MEI1: variants seen among roughly 807,000 people sequenced by gnomAD.
MEI1 encodes the protein meiosis inhibitor protein 1.
Under a neutral mutation model 146.2 loss-of-function variants are expected in MEI1, and 103 were observed. That is an observed-to-expected ratio of 0.70 (90% CI 0.60 to 0.83). The LOEUF (loss-of-function observed/expected upper bound fraction) is 0.83. MEI1 is among the 40% of genes least tolerant of loss of function. The pLI is 0.00. For synonymous variants in MEI1, 652 were observed against 628.2 expected (o/e 1.04, Z -0.57); for missense variants, 1,529 against 1,533.0 (o/e 1.00, Z 0.04).
At chr22:41,766,424 C>G (rs940990711) in intron 19 of MEI1, among the ~76,000 whole-genome samples, 11 of 151,936 alleles carry the variant, frequency 7.2e-5, no homozygotes, top group African/African-American at 2.7e-4. Flanking sequence ...CCCGCCTCAG[C>G]CTTCCAAAGT....
At chr22:41,768,083 G>A (rs2074964223) in intron 19 of MEI1, among the ~76,000 whole-genome samples, 1 of 152,054 alleles carries the variant, frequency 6.6e-6, no homozygotes, top group African/African-American at 2.4e-5. Context: ...TTATTAACAT[G>A]CTTGAAAATG....
At chr22:41,707,175 C>T (rs2069161045) in intron 3 of MEI1, among the ~76,000 whole-genome samples, 1 of 152,174 alleles carries the variant, frequency 6.6e-6, no homozygotes, top group East Asian at 1.9e-4. Flanking sequence ...TGCACTTCAA[C>T]TTGGGTGATA....
chr22:41,773,617 T>G (rs2075299575), intron 20 of MEI1, among the ~76,000 whole-genome samples: 1 of 149,514 alleles, frequency 6.7e-6, no homozygotes, highest in African/African-American at 2.5e-5. Context: ...GGCTCACGCC[T>G]GTAATCCCAG....
At position 41,699,700 on chromosome 22, in the gene MEI1, C is replaced by T. The variant is rs1468793427; in HGVS notation, c.162C>T (p.Asp54=). 1.3e-6 allele frequency: 2 copies of T among 1,579,746 alleles called. No individual in the cohort carries two copies. The highest frequency in any genetic ancestry group is 2.3e-5 in the East Asian group (1 of 43,304). Residue 54 remains aspartate, a synonymous_variant, in exon 1 of 31, where the codon GAC becomes GAT. Transcript: ENST00000401548. ...CLACALELLP[D]PGVSLVRKKH... Reference sequence around the variant, plus strand: ...CCTGCGCGCTGGAGCTGCTGCCGGACCCCGGCGTGTCGGTGCGGGCGGAAC... The same window carrying T: ...CCTGCGCGCTGGAGCTGCTGCCGGATCCCGGCGTGTCGGTGCGGGCGGAAC...
chr22:41,706,878 A>G (rs755189665), intron 3 of MEI1, among the ~76,000 whole-genome samples: 1 of 152,062 alleles, frequency 6.6e-6, no homozygotes, highest in Non-Finnish European at 1.5e-5. Context: ...AATTATTTGA[A>G]TAGAAAAAAA....
chr22:41,732,459 C>T lies in MEI1; in HGVS notation c.1197-10C>T, dbSNP rs1321334484. ...GTTCACCTACTCGTTTCTCATCTTC[C>T]ATTTCTCAGGCAGCCAGAGGAGATC... On this transcript the variant is annotated splice_polypyrimidine_tract_variant and intron_variant, in intron 10 of 30. Transcript: ENST00000401548. 1 of 1,613,654 alleles carries T rather than the reference C, an allele frequency of 6.2e-7. No individual in the cohort carries two copies. The highest frequency in any genetic ancestry group is 8.5e-7 in the Non-Finnish European group (1 of 1,179,816).
At chr22:41,753,140 C>G (rs1359336703) in intron 16 of MEI1, among the ~76,000 whole-genome samples, 1 of 151,872 alleles carries the variant, frequency 6.6e-6, no homozygotes, top group Non-Finnish European at 1.5e-5. Context: ...TGCCTCAGCA[C>G]CTGAATAGCT....
At chr22:41,739,316 T>C (rs1234310116) in intron 11 of MEI1, among the ~76,000 whole-genome samples, 1 of 152,190 alleles carries the variant, frequency 6.6e-6, no homozygotes, top group Non-Finnish European at 1.5e-5. Flanking sequence ...TTTTTAACCT[T>C]TAAATAATGT....
chr22:41,725,695 TCTC>T (rs2071270664), intron 7 of MEI1, among the ~76,000 whole-genome samples: 1 of 152,200 alleles, frequency 6.6e-6, no homozygotes, highest in Non-Finnish European at 1.5e-5. Flanking sequence ...ATAGGGCATT[TCTC>T]CTCTCTTTAT....
At chr22:41,751,056 AG>A (rs969484283) in intron 15 of MEI1, among the ~76,000 whole-genome samples, 4 of 152,098 alleles carry the variant, frequency 2.6e-5, no homozygotes, top group African/African-American at 9.7e-5. Flanking sequence ...CAGGTAGCAC[AG>A]GATCAGAGGC....
intron 9 of MEI1, 121 bp from the exon 10 acceptor site, chr22:41,732,124 T>C (rs1339108033): frequency 1.4e-6 from 1 of 694,894 alleles, no homozygotes; most frequent in African/African-American, 1.8e-5. Flanking sequence ...CTTGTCAGGG[T>C]CCCTCCACGA....
chr22:41,789,904 AG>A (rs2076116189), intron 26 of MEI1, among the ~76,000 whole-genome samples: 2 of 152,138 alleles, frequency 1.3e-5, no homozygotes, highest in Non-Finnish European at 2.9e-5. Flanking sequence ...ATAATTGCCT[AG>A]TGAACAGGAC....
chr22:41,700,789 C>T (rs73161353), intron 1 of MEI1, among the ~76,000 whole-genome samples: 2,215 of 144,572 alleles, frequency 0.015, 45 homozygotes, highest in Admixed American at 0.054. Flanking sequence ...GAAACGGTCC[C>T]GGGGGTCTCC....
In MEI1 at chr22:41,705,708, CT is replaced by C. The variant is rs10568131; in HGVS notation, c.349+171del. On this transcript the variant is annotated intron_variant, in intron 3 of 30. Transcript: ENST00000401548. ...TCACTAATTCAACATTTGTTTTTTA[CT>C]TTTTTTTTTTTTTTTTGAGACGGAA... Among the ~76,000 whole-genome samples the C allele has an allele frequency of 3.3e-3, 446 of 136,984 alleles. 2 individuals are homozygous for C. Among genetic ancestry groups the C allele is most frequent in the Middle Eastern group, 0.015 (4 of 262 alleles). The allele number at this position is 136,984 out of a possible 152,430, so 89.9% of individuals were successfully genotyped here.
intron 30 of MEI1, among the ~76,000 whole-genome samples, 171 bp from the exon 31 acceptor site, chr22:41,799,083 G>A (rs1004114614): frequency 1.3e-5 from 2 of 152,110 alleles, no homozygotes; most frequent in Non-Finnish European, 2.9e-5. Context: ...CTGTTGAATA[G>A]CAACTACCTA....
At chr22:41,786,986 G>A (rs2076010906) in intron 26 of MEI1, among the ~76,000 whole-genome samples, 1 of 152,234 alleles carries the variant, frequency 6.6e-6, no homozygotes, top group Admixed American at 6.5e-5. Flanking sequence ...GTTAGCGGTT[G>A]TTGAGTCTTG....
rs546657072 is a variant in MEI1, at chr22:41,758,534, G to T, written c.2120+1G>T. The T allele has an allele frequency of 6.2e-7, 1 of 1,611,210 alleles. No individual in the cohort carries two copies. The highest frequency in any genetic ancestry group is 2.2e-5 in the East Asian group (1 of 44,754). On this transcript the variant is annotated splice_donor_variant, in intron 18 of 30. Transcript: ENST00000401548. LOFTEE classifies it high-confidence loss of function. ...ACTTGGCCTACATCCATGAAGACAG[G>T]TCAGTGCACAGAGGTGGGTGGCTGG...
chr22:41,729,566 T>A (rs946020269), intron 7 of MEI1, 99 bp from the exon 8 acceptor site: 5 of 732,536 alleles, frequency 6.8e-6, no homozygotes, highest in Non-Finnish European at 9.6e-6. Context: ...ACAGGAAGGA[T>A]CGAAAATGAA....
At chr22:41,762,672 C>T (rs1163066555) in intron 18 of MEI1, among the ~76,000 whole-genome samples, 1 of 151,774 alleles carries the variant, frequency 6.6e-6, no homozygotes, top group African/African-American at 2.4e-5. Context: ...TAGGCATGAG[C>T]CATCACACCT....
Sources: gnomAD v4.1 joint callset for allele counts (sites outside exome capture counted in the v4.1 genomes callset) on GRCh38, gnomAD v4.1.1 for gene constraint, MANE v1.5 for transcripts, NCBI Gene and HGNC (gene_info 2026-07-23, HGNC 2026-07-21) for gene names.